The following ALK variants were observed in gnomAD, a reference collection of about 807,000 sequenced individuals.
The protein encoded by ALK is ALK receptor tyrosine kinase.
ALK carries 74 observed loss-of-function variants against 163.1 expected under a neutral mutation model. That is an observed-to-expected ratio of 0.45 (90% CI 0.38 to 0.55). The LOEUF (loss-of-function observed/expected upper bound fraction) is 0.55. ALK is among the 20% of genes least tolerant of loss of function. ALK has a pLI of 0.00. For synonymous variants in ALK, 960 were observed against 843.2 expected, an observed-to-expected ratio of 1.14 and a Z score of -2.40; for missense variants, 2,063 against 2,105.3, an observed-to-expected ratio of 0.98 and a Z score of 0.39.
At chr2:29,571,252 G>C (rs1273851087) in intron 3 of ALK, among the ~76,000 whole-genome samples, 1 of 152,110 alleles carries the variant, frequency 6.6e-6, no homozygotes, top group Non-Finnish European at 1.5e-5. Flanking sequence ...CACACACAGA[G>C]GTAGTTTATA....
At chr2:29,403,559 C>G (rs1428027179) in intron 4 of ALK, among the ~76,000 whole-genome samples, 1 of 151,816 alleles carries the variant, frequency 6.6e-6, no homozygotes, top group Non-Finnish European at 1.5e-5. Flanking sequence ...TGCGGTTAAT[C>G]TTTTTAAATT....
intron 8 of ALK, among the ~76,000 whole-genome samples, chr2:29,311,486 T>C (rs969926946): frequency 1.3e-5 from 2 of 152,260 alleles, no homozygotes; most frequent in Non-Finnish European, 2.9e-5. Flanking sequence ...GGCATGTTTT[T>C]GTGTCCAAAC....
chr2:29,324,923 C>A (rs776263033), intron 6 of ALK, among the ~76,000 whole-genome samples: 6 of 152,146 alleles, frequency 3.9e-5, no homozygotes, highest in East Asian at 1.9e-4. Context: ...GGGAATGTCA[C>A]CTCCATCTCA....
intron 1 of ALK, among the ~76,000 whole-genome samples, chr2:29,829,700 T>C (rs529797205): frequency 3.3e-5 from 5 of 152,320 alleles, no homozygotes; most frequent in Admixed American, 3.3e-4. Context: ...AGTGAACCTA[T>C]CCTAATACTA....
intron 5 of ALK, among the ~76,000 whole-genome samples, chr2:29,349,142 C>G (rs924761598): frequency 1.3e-5 from 2 of 152,196 alleles, no homozygotes; most frequent in African/African-American, 4.8e-5. Context: ...CCCACTCCAG[C>G]TGAAAGGGGT....
At chr2:29,592,583 G>T (rs929288509) in intron 3 of ALK, among the ~76,000 whole-genome samples, 1 of 152,180 alleles carries the variant, frequency 6.6e-6, no homozygotes, top group Non-Finnish European at 1.5e-5. Context: ...TTTCATGTTG[G>T]GAGGTCAGAT....
chr2:29,246,089 C>A lies in ALK; in HGVS notation c.2204+5016G>T, dbSNP rs1350348253. 6.6e-6 allele frequency among the ~76,000 whole-genome samples: 1 copy of A among 152,112 alleles called. No homozygotes were observed. Among genetic ancestry groups the A allele is most frequent in the Non-Finnish European group, 1.5e-5 (1 of 68,012 alleles). On this transcript the variant is annotated intron_variant, in intron 12 of 28. Coordinates refer to ENST00000389048, the MANE Select transcript of ALK (RefSeq NM_004304.5). The surrounding 1 kb of genome is among the most constrained non-coding windows in gnomAD (Gnocchi z 4.3). ...GACGACTGCCTTCGGGAGCTATGGG[C>A]CATGCTTGACAAATGGTGTTATATA...
intron 3 of ALK, among the ~76,000 whole-genome samples, chr2:29,623,591 A>G (rs938574291): frequency 2.6e-5 from 4 of 152,206 alleles, no homozygotes; most frequent in African/African-American, 4.8e-5. Flanking sequence ...GCACAGAGAG[A>G]GTAAGTGACT....
At chr2:29,673,144 G>A (rs1373118158) in intron 3 of ALK, among the ~76,000 whole-genome samples, 8 of 145,394 alleles carry the variant, frequency 5.5e-5, no homozygotes, top group African/African-American at 2.2e-4. Context: ...TCACTCTGAT[G>A]GTAGTTTCTT....
intron 4 of ALK, among the ~76,000 whole-genome samples, chr2:29,432,881 A>G (rs1670306441): frequency 6.6e-6 from 1 of 152,148 alleles, no homozygotes; most frequent in Admixed American, 6.5e-5. Flanking sequence ...TAGATAATAC[A>G]TTCAGAAACC....
At position 29,227,075 on chromosome 2, in the gene ALK, C is replaced by T; in HGVS notation, c.2915-1G>A. 1 of 1,614,160 alleles carries T rather than the reference C, an allele frequency of 6.2e-7. No individual in the cohort carries two copies. The highest frequency in any genetic ancestry group is 8.5e-7 in the Non-Finnish European group (1 of 1,180,014). ...TTCACTTCCCCGTGGCCTTCCATCA[C>T]TAGTGACAAGGAGGGAGGGTCAGTC... On this transcript the variant is annotated splice_acceptor_variant, in intron 17 of 28. Transcript: ENST00000389048. LOFTEE classifies it high-confidence loss of function. The surrounding 1 kb of genome is among the most constrained non-coding windows in gnomAD (Gnocchi z 4.4).
At chr2:29,883,638 A>G (rs1225292307) in intron 1 of ALK, among the ~76,000 whole-genome samples, 1 of 152,216 alleles carries the variant, frequency 6.6e-6, no homozygotes. Flanking sequence ...ACTAACTCAG[A>G]TTCAGTGGGG....
intron 4 of ALK, among the ~76,000 whole-genome samples, chr2:29,444,476 G>A (rs1670622481): frequency 6.6e-6 from 1 of 152,154 alleles, no homozygotes; most frequent in African/African-American, 2.4e-5. Flanking sequence ...AACAAAGGAG[G>A]AGTGGGTGCC....
chr2:29,519,728 A>G lies in ALK; in HGVS notation c.1154+12187T>C, dbSNP rs1023334511. Reference sequence around the variant, plus strand: ...AGCCAATGGTCACTAGGAAGCTCCCAGGGCAGGTGACCAGGCCACTGCGAG... The same window carrying G: ...AGCCAATGGTCACTAGGAAGCTCCCGGGGCAGGTGACCAGGCCACTGCGAG... On this transcript the variant is annotated intron_variant, in intron 4 of 28. Transcript: ENST00000389048. Among the ~76,000 whole-genome samples the G allele has an allele frequency of 3.9e-5, 6 of 152,358 alleles. No homozygotes were observed. In the South Asian group the frequency reaches 1.2e-3, roughly 32 times the overall value.
rs148755624 is a variant in ALK, at chr2:29,212,247, G to T, written c.3743+1737C>A. On this transcript the variant is annotated intron_variant, in intron 24 of 28. Transcript: ENST00000389048. ...AGATGGAAAGATGACTCTAACCAAG[G>T]ACGACTTCAAAAGGAGCACAGCTTG... 2.4e-4 allele frequency among the ~76,000 whole-genome samples: 37 copies of T among 152,328 alleles called. No homozygotes were observed. The Middle Eastern group carries it at 0.017, about 70-fold the overall frequency.
At chr2:29,653,527 C>T (rs1048027935) in intron 3 of ALK, among the ~76,000 whole-genome samples, 4 of 152,058 alleles carry the variant, frequency 2.6e-5, no homozygotes, top group African/African-American at 9.7e-5. Context: ...TTAATTTGAA[C>T]GTTAGTTTCT....
At chr2:29,419,716 A>G (rs1236281662) in intron 4 of ALK, among the ~76,000 whole-genome samples, 2 of 151,642 alleles carry the variant, frequency 1.3e-5, no homozygotes, top group Non-Finnish European at 2.9e-5. Context: ...TATATAAACA[A>G]AATAGTCCAT....
intron 2 of ALK, among the ~76,000 whole-genome samples, chr2:29,696,382 C>T (rs1270859781): frequency 2.0e-5 from 3 of 151,584 alleles, no homozygotes; most frequent in East Asian, 1.9e-4. Flanking sequence ...CAGGGCCTGT[C>T]GAGGGGTGGG....
At chr2:29,507,513 T>A (rs192197524) in intron 4 of ALK, among the ~76,000 whole-genome samples, 133 of 152,296 alleles carry the variant, frequency 8.7e-4, no homozygotes, top group Admixed American at 1.6e-3. Context: ...CATTTAAAGA[T>A]GATTAAGATG....
Sources: gnomAD v4.1 joint callset for allele counts (sites outside exome capture counted in the v4.1 genomes callset) on GRCh38, gnomAD v4.1.1 for gene constraint, Gnocchi (gnomAD v3.1) non-coding constraint, MANE v1.5 for transcripts, NCBI Gene and HGNC (gene_info 2026-07-23, HGNC 2026-07-21) for gene names.